Variants in NPSR1 observed in about 807,000 individuals in gnomAD.
NPSR1 encodes neuropeptide S receptor.
A neutral mutation model predicts 46.9 loss-of-function variants in NPSR1; 48 were observed. The observed-to-expected ratio is 1.02, with a 90% CI of 0.81 to 1.30. NPSR1 has a LOEUF of 1.30. NPSR1 is among the 50% of genes most tolerant of loss of function. The pLI, the probability that NPSR1 is intolerant of heterozygous loss-of-function variation, is 0.00. For missense variants in NPSR1, 450 were observed against 449.5 expected (o/e 1.00, Z -0.01); for synonymous variants, 176 against 168.1 (o/e 1.05, Z -0.36).
At chr7:34,871,601 G>C (rs117928654) in intron 8 of NPSR1, 1 of 151,812 alleles carries the variant, frequency 6.6e-6, no homozygotes, top group Admixed American at 6.6e-5. Context: ...TCAAAGACAA[G>C]TTATTTGCTT....
intron 3 of NPSR1, among the ~76,000 whole-genome samples, chr7:34,803,736 A>T (rs942753744): frequency 1.4e-5 from 2 of 146,716 alleles, no homozygotes; most frequent in Admixed American, 6.9e-5. Flanking sequence ...AATAAAATTT[A>T]AAAAAAGATA....
intron 5 of NPSR1, among the ~76,000 whole-genome samples, chr7:34,832,725 T>C (rs1017754500): frequency 2.0e-5 from 3 of 152,216 alleles, no homozygotes; most frequent in African/African-American, 7.2e-5. Flanking sequence ...AAGACATTTC[T>C]TAACTTTTCC....
intron 6 of NPSR1, among the ~76,000 whole-genome samples, chr7:34,837,730 G>A (rs754650415): frequency 3.9e-5 from 6 of 152,138 alleles, no homozygotes; most frequent in South Asian, 2.1e-4. Context: ...CACACATATC[G>A]AATGCACACA....
At chr7:34,831,285 TTCTC>T (rs1045791829) in intron 5 of NPSR1, among the ~76,000 whole-genome samples, 1 of 147,424 alleles carries the variant, frequency 6.8e-6, no homozygotes, top group Non-Finnish European at 1.5e-5. Context: ...CCCTCTCTCA[TTCTC>T]TCTCTCTCTG....
chr7:34,719,193 G>A (rs1288218327), intron 2 of NPSR1: 1 of 152,344 alleles, frequency 6.6e-6, no homozygotes, highest in Non-Finnish European at 1.5e-5. Flanking sequence ...ACTGCCTGTA[G>A]GAGGATTAAT....
In NPSR1 at chr7:34,689,213, G is replaced by A. The variant is rs140327812; in HGVS notation, c.280+4529G>A. Among the ~76,000 whole-genome samples the A allele has an allele frequency of 6.0e-3, 916 of 152,292 alleles. 3 individuals are homozygous for A. The highest frequency in any genetic ancestry group is 9.2e-3 in the Non-Finnish European group (628 of 68,026). ...GCCCAAGTCAGCAGAACTTCTCCCA[G>A]TAAACAAGAATCAAGTATATATCCA... is the stretch of plus-strand genomic sequence containing the variant. On this transcript the variant is annotated intron_variant, in intron 2 of 8. Coordinates refer to ENST00000360581, the MANE Select transcript of NPSR1 (RefSeq NM_207172.2).
intron 2 of NPSR1, among the ~76,000 whole-genome samples, chr7:34,764,565 T>G (rs1786340535): frequency 6.6e-6 from 1 of 152,154 alleles, no homozygotes; most frequent in Non-Finnish European, 1.5e-5. Flanking sequence ...AGACCACACC[T>G]ACAGGAAAGG....
intron 8 of NPSR1, among the ~76,000 whole-genome samples, chr7:34,876,226 G>C (rs1031942333): frequency 2.0e-5 from 3 of 152,144 alleles, no homozygotes; most frequent in Admixed American, 6.5e-5. Context: ...TATCACTGCT[G>C]TCCCACATCA....
chr7:34,775,073 C>A (rs1786886741), intron 2 of NPSR1, among the ~76,000 whole-genome samples: 1 of 152,176 alleles, frequency 6.6e-6, no homozygotes, highest in Non-Finnish European at 1.5e-5. Flanking sequence ...TTGTCTCTCA[C>A]CCTCCAGAGT....
In NPSR1 at chr7:34,695,487, G is replaced by A. The variant is rs373259128; in HGVS notation, c.280+10803G>A. 2.5e-3 allele frequency among the ~76,000 whole-genome samples: 381 copies of A among 151,750 alleles called. 20 individuals carry two copies. The South Asian group carries it at 0.074, about 29-fold the overall frequency. On this transcript the variant is annotated intron_variant, in intron 2 of 8. Transcript: ENST00000360581. ...AACTTATTTAAATTAAAAAGCTTCT[G>A]TACAACAAAAGAAATAATCAACAAA... is the stretch of plus-strand genomic sequence containing the variant.
chr7:34,669,568 CAAA>C (rs540666804), intron 1 of NPSR1, among the ~76,000 whole-genome samples: 2 of 133,690 alleles, frequency 1.5e-5, no homozygotes, highest in Non-Finnish European at 1.6e-5. Flanking sequence ...GACTCTGTTT[CAAA>C]AAAAAAAAAA....
intron 2 of NPSR1, chr7:34,750,414 G>A (rs1007996699): frequency 3.6e-5 from 27 of 744,798 alleles, no homozygotes; most frequent in Admixed American, 1.4e-4. Flanking sequence ...TTCGGATGCC[G>A]ATGGGTAGTA....
intron 3 of NPSR1, among the ~76,000 whole-genome samples, chr7:34,788,965 A>G (rs930425789): frequency 3.9e-5 from 6 of 152,082 alleles, no homozygotes; most frequent in Non-Finnish European, 1.5e-5. Flanking sequence ...TTCAAAAACA[A>G]TGACATGAAA....
At chr7:34,788,680 C>T (rs1787580916) in intron 3 of NPSR1, among the ~76,000 whole-genome samples, 1 of 151,844 alleles carries the variant, frequency 6.6e-6, no homozygotes, top group African/African-American at 2.4e-5. Flanking sequence ...TATTAATAGA[C>T]CTGAAGAGAG....
At chr7:34,867,008 G>A (rs1791329335) in intron 8 of NPSR1, among the ~76,000 whole-genome samples, 1 of 151,686 alleles carries the variant, frequency 6.6e-6, no homozygotes, top group Non-Finnish European at 1.5e-5. Context: ...CCACCCAGGA[G>A]CAAGACTGAG....
chr7:34,774,162 C>T (rs1449576571), intron 2 of NPSR1, among the ~76,000 whole-genome samples: 1 of 152,200 alleles, frequency 6.6e-6, no homozygotes, highest in African/African-American at 2.4e-5. Flanking sequence ...CAAGGCTACC[C>T]CATAATTCAG....
At position 34,672,174 on chromosome 7, in the gene NPSR1, C is replaced by T. The variant is rs6977332; in HGVS notation, c.148-12378C>T. 3.6e-3 allele frequency among the ~76,000 whole-genome samples: 553 copies of T among 152,264 alleles called. 3 individuals carry two copies. The highest frequency in any genetic ancestry group is 0.013 in the African/African-American group (522 of 41,558). ...CTTGTTATGTAGCTGACATTTCATT[C>T]GTTTATTCAGCAAATATTAATTACT... On this transcript the variant is annotated intron_variant, in intron 1 of 8. Transcript: ENST00000360581.
chr7:34,805,900 G>A (rs1788675279), intron 3 of NPSR1, among the ~76,000 whole-genome samples: 1 of 151,954 alleles, frequency 6.6e-6, no homozygotes. Context: ...TCACCAAGAA[G>A]ATGGCAAGTA....
intron 2 of NPSR1, among the ~76,000 whole-genome samples, chr7:34,764,801 A>G (rs938748368): frequency 6.6e-6 from 1 of 152,176 alleles, no homozygotes; most frequent in African/African-American, 2.4e-5. Context: ...CCCATCACAG[A>G]TACAAGGCAG....
Sources: gnomAD v4.1 joint callset for allele counts (sites outside exome capture counted in the v4.1 genomes callset) on GRCh38, gnomAD v4.1.1 for gene constraint, MANE v1.5 for transcripts, NCBI Gene and HGNC (gene_info 2026-07-23, HGNC 2026-07-21) for gene names.